The following TRAF5 variants were observed in gnomAD, a reference collection of about 807,000 sequenced individuals.
TRAF5 encodes the protein TNF receptor-associated factor 5.
In TRAF5, 48 loss-of-function variants were observed where a neutral mutation model predicts 64.5. That is an observed-to-expected ratio of 0.74 (90% CI 0.59 to 0.95). The LOEUF (loss-of-function observed/expected upper bound fraction) is 0.95. Among genes scored for constraint, TRAF5 ranks in the 40% least tolerant of loss-of-function variants. The pLI is 0.00. For missense variants in TRAF5, 545 were observed against 662.8 expected (o/e 0.82, Z 1.95); for synonymous variants, 206 against 240.5 (o/e 0.86, Z 1.33).
intron 4 of TRAF5, chr1:211,359,095 C>T (rs893015424): frequency 2.0e-5 from 3 of 151,704 alleles, no homozygotes; most frequent in Non-Finnish European, 4.4e-5. Flanking sequence ...CATAGGTGTA[C>T]ACCGCAACAC....
intron 1 of TRAF5, among the ~76,000 whole-genome samples, chr1:211,332,075 G>C (rs76292474): frequency 0.036 from 5,478 of 152,260 alleles, 324 homozygotes; most frequent in African/African-American, 0.13. Flanking sequence ...GGTATGGTGG[G>C]ATAAGCTGGG....
chr1:211,373,503 T>TAC lies in TRAF5; in HGVS notation c.*811_*812dup, dbSNP rs1703603133. ...AGATTCAACCAAATAAATATATATA[T>TAC]ACACACACACATACATATACACCTA... On this transcript the variant is annotated 3_prime_UTR_variant, in exon 11 of 11. Coordinates refer to ENST00000261464, the MANE Select transcript of TRAF5 (RefSeq NM_001033910.3). The TAC allele has an allele frequency of 1.3e-5, 2 of 152,030 alleles. No homozygotes were observed. Among genetic ancestry groups the TAC allele is most frequent in the Non-Finnish European group, 1.5e-5 (1 of 67,992 alleles). The allele number at this position is 152,030 out of a possible 1,614,324, so 9.4% of individuals were successfully genotyped here.
At chr1:211,351,984 G>A (rs942060066) in intron 1 of TRAF5, among the ~76,000 whole-genome samples, 1 of 152,088 alleles carries the variant, frequency 6.6e-6, no homozygotes, top group Non-Finnish European at 1.5e-5. Context: ...GTTATCTTAG[G>A]CCAGGTGTGG....
chr1:211,351,394 C>T (rs1289976608), intron 1 of TRAF5, among the ~76,000 whole-genome samples: 1 of 152,106 alleles, frequency 6.6e-6, no homozygotes. Context: ...ACTTCATTAC[C>T]TGCCAAATGC....
In TRAF5 at chr1:211,372,377, G is replaced by A. The variant is rs1171713721; in HGVS notation, c.1349G>A (p.Gly450Glu). ...CTCTGTGCTAGAGCATACCTGAATG[G>A]GGATGGGTCAGGGAGGGGGTCACAC... is the stretch of plus-strand genomic sequence containing the variant. ...YRLCARAYLN[G>E]DGSGRGSHLS... Residue 450 changes from glycine to glutamate, a missense_variant, in exon 11 of 11, where the codon GGG becomes GAG. Gly to Glu is a moderately conservative substitution (Grantham distance 98, BLOSUM62 -2). Coordinates refer to ENST00000261464, the MANE Select transcript of TRAF5 (RefSeq NM_001033910.3). The A allele has an allele frequency of 1.2e-6, 2 of 1,614,008 alleles. No individual in the cohort carries two copies. The highest frequency in any genetic ancestry group is 1.3e-5 in the African/African-American group (1 of 74,894).
In TRAF5 at chr1:211,331,102, A is replaced by T. The variant is rs568773135; in HGVS notation, c.-2+4213A>T. Among the ~76,000 whole-genome samples, 4 of 152,112 alleles carry T rather than the reference A, an allele frequency of 2.6e-5. No individual in the cohort carries two copies. The South Asian group carries it at 6.2e-4, about 24-fold the overall frequency. On this transcript the variant is annotated intron_variant, in intron 1 of 10. Coordinates refer to ENST00000261464, the MANE Select transcript of TRAF5 (RefSeq NM_001033910.3). ...TCGCTGCTGTTCCTCAGTCACCTTT[A>T]TCCTGTCCCCCTCAGCCAGTCCTGA...
At chr1:211,334,264 A>T (rs985297203) in intron 1 of TRAF5, among the ~76,000 whole-genome samples, 1 of 152,188 alleles carries the variant, frequency 6.6e-6, no homozygotes, top group African/African-American at 2.4e-5. Context: ...AGCCCATTAG[A>T]GACTCAGTGC....
chr1:211,356,834 A>G, intron 4 of TRAF5: 1 of 175,996 alleles, frequency 5.7e-6, no homozygotes, highest in Non-Finnish European at 1.2e-5. Context: ...ACAGAAAGAC[A>G]CAATTGTGAG....
At chr1:211,335,599 T>TG (rs1389040068) in intron 1 of TRAF5, among the ~76,000 whole-genome samples, 3 of 152,018 alleles carry the variant, frequency 2.0e-5, no homozygotes, top group African/African-American at 4.8e-5. Flanking sequence ...ATGTCATAAG[T>TG]GGGGGGGACC....
At chr1:211,328,377 C>G (rs773380524) in intron 1 of TRAF5, among the ~76,000 whole-genome samples, 5 of 152,166 alleles carry the variant, frequency 3.3e-5, no homozygotes, top group Non-Finnish European at 5.9e-5. Flanking sequence ...ATCCCTGGCT[C>G]CTGGACAGAG....
intron 1 of TRAF5, among the ~76,000 whole-genome samples, chr1:211,352,437 T>C (rs1279779115): frequency 7.5e-6 from 1 of 133,480 alleles, no homozygotes; most frequent in Non-Finnish European, 1.6e-5. Context: ...CATGTCACTG[T>C]CTCTAAAAAA....
At position 211,337,623 on chromosome 1, in the gene TRAF5, G is replaced by T. The variant is rs577762323; in HGVS notation, c.-2+10734G>T. 1.0e-3 allele frequency among the ~76,000 whole-genome samples: 153 copies of T among 152,308 alleles called. 1 individual carries two copies. In the Middle Eastern group the frequency reaches 0.02, roughly 20 times the overall value. On this transcript the variant is annotated intron_variant, in intron 1 of 10. Transcript: ENST00000261464. ...GCAAGAGACCAGCTAGGAGACTGAT[G>T]CAATAACCACTGGGGAGATGATGGC...
chr1:211,372,020 C>A, intron 10 of TRAF5, 108 bp from the exon 11 acceptor site: 1 of 933,496 alleles, frequency 1.1e-6, no homozygotes, highest in Non-Finnish European at 1.6e-6. Flanking sequence ...TTTAGGATGG[C>A]AGGATTTTGT....
At chr1:211,366,155 C>T (rs1703345272) in intron 8 of TRAF5, among the ~76,000 whole-genome samples, 1 of 152,124 alleles carries the variant, frequency 6.6e-6, no homozygotes, top group Non-Finnish European at 1.5e-5. Context: ...ACTTTTCAAG[C>T]CCAGGTAGGG....
chr1:211,351,290 T>G (rs1177037693), intron 1 of TRAF5, among the ~76,000 whole-genome samples: 2 of 152,006 alleles, frequency 1.3e-5, no homozygotes, highest in Non-Finnish European at 2.9e-5. Context: ...CCTCCTAAAG[T>G]GCTGGGATTA....
Position 211,353,422 on chromosome 1 carries a change from GC to G in TRAF5, c.184del (p.His62ThrfsTer11). The G allele has an allele frequency of 1.9e-6, 3 of 1,613,874 alleles. No homozygotes were observed. Among genetic ancestry groups the G allele is most frequent in the Non-Finnish European group, 2.5e-6 (3 of 1,180,030 alleles). Reference sequence around the variant, plus strand: ...ACAACCCCCACCAGACAGGATGTGGGCACCGCTTCTGCCAGCACTGCATCCT... The same window carrying G: ...ACAACCCCCACCAGACAGGATGTGGGACCGCTTCTGCCAGCACTGCATCCT... The part of the protein sequence containing the change: ...LHNPHQTGCG[H>X]RFCQHCILSL... On this transcript the variant is annotated frameshift_variant, in exon 2 of 11. Coordinates refer to ENST00000261464, the MANE Select transcript of TRAF5 (RefSeq NM_001033910.3). LOFTEE classifies it high-confidence loss of function.
intron 7 of TRAF5, among the ~76,000 whole-genome samples, chr1:211,362,272 AAT>A (rs1300669750): frequency 3.3e-5 from 5 of 152,244 alleles, no homozygotes; most frequent in African/African-American, 7.2e-5. Context: ...TAGGCATTAA[AAT>A]ATGTCATGCT....
At chr1:211,356,585 T>C (rs1702976208) in intron 4 of TRAF5, 117 bp downstream of exon 4, 1 of 887,814 alleles carries the variant, frequency 1.1e-6, no homozygotes, top group African/African-American at 1.7e-5. Flanking sequence ...TGAATTGCCC[T>C]CAAGGATTCC....
At chr1:211,356,926 G>C (rs1339051075) in intron 4 of TRAF5, 2 of 158,814 alleles carry the variant, frequency 1.3e-5, no homozygotes, top group African/African-American at 4.8e-5. Context: ...GCCTCATGGG[G>C]TTTATGATCT....
Sources: gnomAD v4.1 joint callset for allele counts (sites outside exome capture counted in the v4.1 genomes callset) on GRCh38, gnomAD v4.1.1 for gene constraint, MANE v1.5 for transcripts, NCBI Gene and HGNC (gene_info 2026-07-23, HGNC 2026-07-21) for gene names.